The following SCNN1A variants were observed in gnomAD, a reference collection of about 807,000 sequenced individuals.
SCNN1A encodes sodium channel epithelial 1 subunit alpha.
Under a neutral mutation model 68.6 loss-of-function variants are expected in SCNN1A, and 65 were observed. The observed-to-expected ratio is 0.95, with a 90% CI of 0.78 to 1.16. The LOEUF is 1.16. Among genes scored for constraint, SCNN1A ranks in the 50% most tolerant of loss-of-function variants. The probability of loss-of-function intolerance (pLI) is 0.00; values close to 1 mark genes in which losing one functional copy is unlikely to be tolerated. For missense variants in SCNN1A, 880 were observed against 865.9 expected, an observed-to-expected ratio of 1.02 and a Z score of -0.20; for synonymous variants, 357 against 353.3, an observed-to-expected ratio of 1.01 and a Z score of -0.12.
rs1045840933 is a variant in SCNN1A at position 6,347,483 on chromosome 12, G to A, written c.*390C>T. ...GCTGGCTTAAGCCGTCGCTGGGCAG[G>A]AAACCCGTGCATGCCTGCGTGTACC... On this transcript the variant is annotated 3_prime_UTR_variant, in exon 13 of 13. Transcript: ENST00000228916. 4.4e-6 allele frequency: 1 copy of A among 229,482 alleles called. No individual in the cohort carries two copies. The highest frequency in any genetic ancestry group is 6.8e-5 in the South Asian group (1 of 14,792). 14.2% of individuals were successfully genotyped at this position (229,482 alleles called of 1,614,324 possible).
At chr12:6,375,670 C>G (rs148940975), upstream of SCNN1A, 141 of 1,467,638 alleles carry the variant, frequency 9.6e-5, 2 homozygotes, top group East Asian at 1.5e-3. Context: ...CTCCCGAGGG[C>G]AGGTGAACTG....
intron 1 of SCNN1A, 170 bp downstream of exon 1, chr12:6,375,335 C>T: frequency 6.9e-7 from 1 of 1,442,500 alleles, no homozygotes; most frequent in Non-Finnish European, 9.1e-7. Context: ...GCCCTCAGCT[C>T]CAGCCTCTGG....
In SCNN1A at chr12:6,349,556, C is replaced by A. The variant is rs1321577626; in HGVS notation, c.1361-151G>T. 5.7e-6 allele frequency: 4 copies of A among 695,902 alleles called. No individual in the cohort carries two copies. The Admixed American group carries it at 8.2e-5, about 14-fold the overall frequency. The allele number at this position is 695,902 out of a possible 1,614,324, so 43.1% of individuals were successfully genotyped here. A position where few individuals can be genotyped will look rare whatever the true frequency, so the allele number is the denominator to read the frequency against. On this transcript the variant is annotated intron_variant, in intron 8 of 12. Coordinates refer to ENST00000228916, the MANE Select transcript of SCNN1A (RefSeq NM_001038.6). Reference sequence around the variant, plus strand: ...CCTTATGAGTGGCAGTACCAAGAAGCGTTTAAGAAATTAAGCTAAGCCAGG... The same window carrying A: ...CCTTATGAGTGGCAGTACCAAGAAGAGTTTAAGAAATTAAGCTAAGCCAGG...
Position 6,363,493 on chromosome 12 carries a change from C to A in SCNN1A, c.634G>T (p.Asp212Tyr). ...RARSVASSLRDNNPQVDWKDW... is the reference protein window; with the variant it reads ...RARSVASSLRYNNPQVDWKDW... ...TTCCAGTCCACCTGGGGGTTGTTGT[C>A]CCGCAAGCTGGAGGCCACGCTACGG... is the stretch of plus-strand genomic sequence containing the variant. The change falls in exon 3 of 13, where the codon GAC (aspartate) becomes TAC (tyrosine). Residue 212 changes from aspartate to tyrosine, a missense_variant. By Grantham distance (160) the Asp-to-Tyr change is radical. Around this residue, in one of 3 missense-constraint regions of SCNN1A, gnomAD observed 758 missense variants for 721.8 expected, o/e 1.05. Coordinates refer to ENST00000228916, the MANE Select transcript of SCNN1A (RefSeq NM_001038.6). 6.2e-7 allele frequency: 1 copy of A among 1,607,012 alleles called. No individual in the cohort carries two copies. Among genetic ancestry groups the A allele is most frequent in the Non-Finnish European group, 8.5e-7 (1 of 1,176,954 alleles).
Position 6,350,844 on chromosome 12 carries a change from TAATAAATA to T in SCNN1A, c.1361-1447_1361-1440del, listed in dbSNP as rs138838604. 2.8e-3 allele frequency among the ~76,000 whole-genome samples: 416 copies of T among 150,788 alleles called. 6 individuals are homozygous for T. Among genetic ancestry groups the T allele is most frequent in the East Asian group, 9.9e-3 (51 of 5,156 alleles). ...AGAGTGAGAGTCTTCTCAAAATAAA[TAATAAATA>T]AATAAATAAATAAATAAATAAAAAT... On this transcript the variant is annotated intron_variant, in intron 8 of 12. Transcript: ENST00000228916.
upstream of SCNN1A, chr12:6,377,264 C>T (rs1948928042): frequency 1.3e-6 from 2 of 1,551,032 alleles, no homozygotes; most frequent in Non-Finnish European, 1.7e-6. Flanking sequence ...TGATACTGCT[C>T]ATGATACCTC....
chr12:6,361,986 G>A (rs572314946), intron 4 of SCNN1A, 65 bp downstream of exon 4: 8 of 1,544,020 alleles, frequency 5.2e-6, no homozygotes, highest in African/African-American at 1.4e-5. Flanking sequence ...GCCCATGCAG[G>A]GCGTGAGGCT....
chr12:6,348,248 G>T lies in SCNN1A; in HGVS notation c.1635C>A (p.Val545=). The change falls in exon 13 of 13, where the codon GTC becomes GTA. Residue 545 remains valine (V), a synonymous_variant. Transcript: ENST00000228916. ...TNSESPSVTM[V]TLLSNLGSQW... is the part of the protein sequence containing the mutation. ...GGCTGCCCAGGTTGGACAGGAGGGT[G>T]ACCATCTGTGAGAGGAGAGGTACAT... 1 of 1,613,996 alleles carries T rather than the reference G, an allele frequency of 6.2e-7. No homozygotes were observed. The highest frequency in any genetic ancestry group is 1.1e-5 in the South Asian group (1 of 91,024).
At chr12:6,355,516 C>T in intron 5 of SCNN1A, 81 bp from the exon 6 acceptor site, 2 of 1,505,440 alleles carry the variant, frequency 1.3e-6, no homozygotes, top group Non-Finnish European at 1.8e-6. Context: ...CTCTCCCTTC[C>T]TTGCCCAGTC....
At position 6,363,598 on chromosome 12, in the gene SCNN1A, G is replaced by T; in HGVS notation, c.529C>A (p.Arg177Ser). 6.2e-7 allele frequency: 1 copy of T among 1,612,392 alleles called. No homozygotes were observed. Among genetic ancestry groups the T allele is most frequent in the Non-Finnish European group, 8.5e-7 (1 of 1,179,304 alleles). Residue 177 changes from arginine (R) to serine (S), a missense_variant, in exon 3 of 13, where the codon CGT becomes AGT. By Grantham distance (110) the Arg-to-Ser change is moderately radical. This residue lies in a region of SCNN1A where 758 missense variants were observed against 721.8 expected (regional missense o/e 1.05). Coordinates refer to ENST00000228916, the MANE Select transcript of SCNN1A (RefSeq NM_001038.6). ...GGCAGAGTCCCCCGCAGGTCGCGACGGCTGCGGGAGCCGGCCACGAGAGTG... is the reference window on the plus strand; with the variant it reads ...GGCAGAGTCCCCCGCAGGTCGCGACTGCTGCGGGAGCCGGCCACGAGAGTG... The part of the protein sequence containing the change: ...FTTLVAGSRS[R>S]RDLRGTLPHP...
intron 2 of SCNN1A, among the ~76,000 whole-genome samples, chr12:6,368,301 A>C (rs1019492161): frequency 2.0e-5 from 3 of 152,232 alleles, no homozygotes; most frequent in Non-Finnish European, 4.4e-5. Flanking sequence ...AGTGACCCAC[A>C]GAAAACGGAA....
chr12:6,351,584 G>A lies in SCNN1A; in HGVS notation c.1361-2179C>T, dbSNP rs977331556. ...AGAGGTAGCAGTGAGCCAAGATCGCGCCACTGCACTCCAGTCTGGGCGACA... is the reference window on the plus strand; with the variant it reads ...AGAGGTAGCAGTGAGCCAAGATCGCACCACTGCACTCCAGTCTGGGCGACA... On this transcript the variant is annotated intron_variant, in intron 8 of 12. Transcript: ENST00000228916. This position sits in a 1 kb window ranked among gnomAD's most constrained non-coding sequence, Gnocchi z 4.2. 2.7e-5 allele frequency among the ~76,000 whole-genome samples: 4 copies of A among 150,678 alleles called. No homozygotes were observed. Among genetic ancestry groups the A allele is most frequent in the South Asian group, 4.2e-4 (2 of 4,774 alleles).
Position 6,347,679 on chromosome 12 carries a change from T to C in SCNN1A, c.*194A>G. 1 of 634,934 alleles carries C rather than the reference T, an allele frequency of 1.6e-6. No individual in the cohort carries two copies. 39.3% of individuals were successfully genotyped at this position (634,934 alleles called of 1,614,324 possible). ...GGGTACAGGGCTGGAGCCAAGGCAC[T>C]TCTGGGCAGCTTCATCAGCTACTGT... is the stretch of plus-strand genomic sequence containing the variant. On this transcript the variant is annotated 3_prime_UTR_variant, in exon 13 of 13. Transcript: ENST00000228916.
chr12:6,374,227 C>G lies in SCNN1A; in HGVS notation c.416+141G>C. On this transcript the variant is annotated intron_variant, in intron 2 of 12. Transcript: ENST00000228916. This position sits in a 1 kb window ranked among gnomAD's most constrained non-coding sequence, Gnocchi z 6.2. ...AGTAAGCTGGAGGCTCCTCATTTTGCCAGCAGTGAGCTCTACCTGGGACAG... is the reference window on the plus strand; with the variant it reads ...AGTAAGCTGGAGGCTCCTCATTTTGGCAGCAGTGAGCTCTACCTGGGACAG... 2.1e-6 allele frequency: 2 copies of G among 933,006 alleles called. No individual in the cohort carries two copies. Among genetic ancestry groups the G allele is most frequent in the South Asian group, 1.7e-5 (1 of 58,910 alleles). 57.8% of individuals were successfully genotyped at this position (933,006 alleles called of 1,614,324 possible).
chr12:6,354,582 A>AG (rs1412657521), intron 7 of SCNN1A, 27 bp from the exon 8 acceptor site: 1 of 1,548,838 alleles, frequency 6.5e-7, no homozygotes, highest in Admixed American at 1.7e-5. Flanking sequence ...TGGAGAGGAG[A>AG]GGGGGTTCAG....
At chr12:6,358,461 T>C (rs1470470156) in intron 4 of SCNN1A, among the ~76,000 whole-genome samples, 2 of 152,148 alleles carry the variant, frequency 1.3e-5, no homozygotes, top group Non-Finnish European at 2.9e-5. Flanking sequence ...CATAGATCCA[T>C]GTACAGGATC....
chr12:6,350,561 GTGCGGTGGC>G (rs1240696259), intron 8 of SCNN1A, among the ~76,000 whole-genome samples: 2 of 152,194 alleles, frequency 1.3e-5, no homozygotes, highest in Non-Finnish European at 2.9e-5. Context: ...AATAGGCTGG[GTGCGGTGGC>G]TCACGCCTGT....
chr12:6,375,458 G>T (rs1565489313), intron 1 of SCNN1A, 47 bp downstream of exon 1: 1 of 1,535,514 alleles, frequency 6.5e-7, no homozygotes, highest in African/African-American at 1.4e-5. Flanking sequence ...ACTGGGACTG[G>T]TTCCTTTCCA....
intron 8 of SCNN1A, among the ~76,000 whole-genome samples, chr12:6,352,414 G>C (rs1948403410): frequency 6.6e-6 from 1 of 152,144 alleles, no homozygotes; most frequent in Admixed American, 6.5e-5. Context: ...GAAGCAGCTG[G>C]CCCTCTTCTC....
Sources: gnomAD v4.1 joint callset for allele counts (sites outside exome capture counted in the v4.1 genomes callset) on GRCh38, gnomAD v4.1.1 for gene constraint, gnomAD v4.1.1 regional missense constraint, Gnocchi (gnomAD v3.1) non-coding constraint, MANE v1.5 for transcripts, NCBI Gene and HGNC (gene_info 2026-07-23, HGNC 2026-07-21) for gene names.